RANBP17: variants seen among roughly 807,000 people sequenced by gnomAD.
RANBP17 encodes the protein ran-binding protein 17.
Under a neutral mutation model 141.2 loss-of-function variants are expected in RANBP17, and 158 were observed. The ratio of observed to expected loss-of-function variants is 1.12; its 90% CI spans 0.98 to 1.28. The LOEUF is 1.28. Among genes scored for constraint, RANBP17 ranks in the 50% most tolerant of loss-of-function variants. The pLI, the probability that RANBP17 is intolerant of heterozygous loss-of-function variation, is 0.00. For synonymous variants in RANBP17, 430 were observed against 450.0 expected, an observed-to-expected ratio of 0.96 and a Z score of 0.56; for missense variants, 1,438 against 1,290.7, an observed-to-expected ratio of 1.11 and a Z score of -1.75.
At chr5:171,079,795 A>G (rs938509990) in intron 14 of RANBP17, among the ~76,000 whole-genome samples, 2 of 152,030 alleles carry the variant, frequency 1.3e-5, no homozygotes, top group African/African-American at 4.8e-5. Flanking sequence ...AAATGCAACA[A>G]TTTTTTTTGC....
At chr5:171,007,967 G>A (rs1779771243) in intron 14 of RANBP17, among the ~76,000 whole-genome samples, 1 of 152,204 alleles carries the variant, frequency 6.6e-6, no homozygotes, top group South Asian at 2.1e-4. Flanking sequence ...TGGGTGAGCA[G>A]CCAAAGCAGG....
At chr5:171,262,722 CAGA>C (rs1766414736) in intron 24 of RANBP17, among the ~76,000 whole-genome samples, 1 of 152,138 alleles carries the variant, frequency 6.6e-6, no homozygotes, top group Non-Finnish European at 1.5e-5. Context: ...ATTAGTGCTA[CAGA>C]ACACTGCAAC....
chr5:170,950,424 G>T (rs967613539), intron 12 of RANBP17, among the ~76,000 whole-genome samples: 1 of 151,936 alleles, frequency 6.6e-6, no homozygotes, highest in African/African-American at 2.4e-5. Flanking sequence ...GCAGTCAAAT[G>T]ACATGAATAG....
At chr5:171,144,451 T>G (rs1757907278) in intron 14 of RANBP17, among the ~76,000 whole-genome samples, 1 of 152,162 alleles carries the variant, frequency 6.6e-6, no homozygotes, top group South Asian at 2.1e-4. Context: ...ATGTGATTGA[T>G]CATTTATTTA....
chr5:170,984,471 C>T (rs1305713562), intron 14 of RANBP17, among the ~76,000 whole-genome samples: 1 of 151,818 alleles, frequency 6.6e-6, no homozygotes, highest in Non-Finnish European at 1.5e-5. Flanking sequence ...ACAAAAAATT[C>T]TAAAAATTAG....
intron 14 of RANBP17, among the ~76,000 whole-genome samples, chr5:171,077,404 C>A (rs1424976652): frequency 6.6e-6 from 1 of 151,548 alleles, no homozygotes; most frequent in African/African-American, 2.4e-5. Context: ...AAAAGGCAAG[C>A]CTGAAGTCTC....
At chr5:171,212,040 A>G (rs1441841567) in intron 20 of RANBP17, among the ~76,000 whole-genome samples, 2 of 152,218 alleles carry the variant, frequency 1.3e-5, no homozygotes, top group Non-Finnish European at 2.9e-5. Flanking sequence ...GGAGAGATAT[A>G]CAAGTACTAT....
chr5:171,089,067 C>T (rs866876531), intron 14 of RANBP17, among the ~76,000 whole-genome samples: 85 of 151,870 alleles, frequency 5.6e-4, no homozygotes, highest in African/African-American at 1.2e-3. Flanking sequence ...AGTTTTTCTG[C>T]TCTGTTTTTT....
chr5:170,888,784 G>A (rs1769365426), intron 3 of RANBP17, among the ~76,000 whole-genome samples: 2 of 152,046 alleles, frequency 1.3e-5, no homozygotes, highest in South Asian at 2.1e-4. Flanking sequence ...CAATCTTAGT[G>A]AGAAAGCTTC....
At chr5:171,212,975 G>A (rs755700991) in intron 20 of RANBP17, among the ~76,000 whole-genome samples, 1 of 152,120 alleles carries the variant, frequency 6.6e-6, no homozygotes, top group Non-Finnish European at 1.5e-5. Flanking sequence ...GTCTCCTTGT[G>A]TGTACATGGG....
At chr5:171,219,776 T>C (rs1389257369) in intron 21 of RANBP17, among the ~76,000 whole-genome samples, 2 of 152,002 alleles carry the variant, frequency 1.3e-5, no homozygotes, top group African/African-American at 4.8e-5. Flanking sequence ...CAGATTATTC[T>C]AGTTAGCAGC....
At chr5:171,148,999 G>A (rs969784627) in intron 14 of RANBP17, among the ~76,000 whole-genome samples, 2 of 152,200 alleles carry the variant, frequency 1.3e-5, no homozygotes, top group Non-Finnish European at 2.9e-5. Context: ...CAGTACAAGT[G>A]ATGTGGTAAA....
intron 14 of RANBP17, among the ~76,000 whole-genome samples, chr5:171,130,083 C>A (rs1442784045): frequency 6.6e-6 from 1 of 152,116 alleles, no homozygotes; most frequent in African/African-American, 2.4e-5. Context: ...GACTTAAATT[C>A]ACAGTAATAG....
chr5:171,001,339 AAAG>A (rs766142061), intron 14 of RANBP17, among the ~76,000 whole-genome samples: 3 of 152,182 alleles, frequency 2.0e-5, no homozygotes, highest in Non-Finnish European at 4.4e-5. Flanking sequence ...GGTCCGAATA[AAAG>A]AAGGAGAAAA....
intron 14 of RANBP17, among the ~76,000 whole-genome samples, chr5:171,049,354 G>C (rs1044739608): frequency 1.3e-5 from 2 of 152,140 alleles, no homozygotes; most frequent in Non-Finnish European, 2.9e-5. Context: ...GTTCCTTATA[G>C]ATGCTGGATA....
At chr5:171,186,833 T>C (rs189175819) in intron 18 of RANBP17, among the ~76,000 whole-genome samples, 2 of 152,234 alleles carry the variant, frequency 1.3e-5, no homozygotes, top group East Asian at 3.9e-4. Flanking sequence ...CAGTGAAACT[T>C]TCTTTATATC....
intron 2 of RANBP17, among the ~76,000 whole-genome samples, chr5:170,879,188 A>G (rs1490983720): frequency 6.6e-6 from 1 of 152,208 alleles, no homozygotes; most frequent in Non-Finnish European, 1.5e-5. Context: ...ATAGATAGGT[A>G]CTGCTAAATA....
intron 14 of RANBP17, among the ~76,000 whole-genome samples, chr5:171,090,401 G>C (rs374954933): frequency 6.6e-6 from 1 of 152,218 alleles, no homozygotes; most frequent in Non-Finnish European, 1.5e-5. Context: ...AAACAGCAAA[G>C]CATTCAAGAG....
intron 14 of RANBP17, among the ~76,000 whole-genome samples, chr5:171,152,990 A>G (rs1244186194): frequency 6.6e-6 from 1 of 152,186 alleles, no homozygotes; most frequent in African/African-American, 2.4e-5. Context: ...GTAATTCCTG[A>G]TCTTGCTCCT....
Sources: allele counts gnomAD v4.1 joint callset (sites outside exome capture counted in the v4.1 genomes callset), GRCh38; gene constraint gnomAD v4.1.1; transcripts MANE v1.5; gene names NCBI Gene and HGNC (gene_info 2026-07-23, HGNC 2026-07-21).